The following VPS13B variants were observed in gnomAD, a reference collection of about 807,000 sequenced individuals.
The protein encoded by VPS13B is intermembrane lipid transfer protein VPS13B.
A neutral mutation model predicts 426.4 loss-of-function variants in VPS13B; 285 were observed. The observed-to-expected ratio is 0.67, with a 90% CI of 0.61 to 0.74. The LOEUF (loss-of-function observed/expected upper bound fraction) is 0.74, where lower values mean the gene tolerates loss of function less well. VPS13B is among the 30% of genes least tolerant of loss of function. The pLI is 0.00. For synonymous variants in VPS13B, 1,676 were observed against 1,676.4 expected, an observed-to-expected ratio of 1.00 and a Z score of 0.01; for missense variants, 4,537 against 4,782.6, an observed-to-expected ratio of 0.95 and a Z score of 1.51.
intron 31 of VPS13B, among the ~76,000 whole-genome samples, chr8:99,570,187 G>C (rs894914055): frequency 1.3e-5 from 2 of 152,046 alleles, no homozygotes; most frequent in Non-Finnish European, 2.9e-5. Flanking sequence ...CCTTGTATTT[G>C]TCTGAACCAG....
Position 99,578,249 on chromosome 8 carries a change from T to C in VPS13B, c.5220+616T>C, listed in dbSNP as rs1386379550. Among the ~76,000 whole-genome samples, 3 of 152,184 alleles carry C rather than the reference T, an allele frequency of 2.0e-5. No homozygotes were observed. In the East Asian group the frequency reaches 5.8e-4, roughly 29 times the overall value. ...GTTTCCACATTTCTCTAACATTCTG[T>C]ACTTAGAATAAATATTTTATAAAAA... On this transcript the variant is annotated intron_variant, in intron 33 of 61. Transcript: ENST00000357162.
intron 39 of VPS13B, among the ~76,000 whole-genome samples, chr8:99,740,442 G>T (rs1250606740): frequency 1.3e-5 from 2 of 152,152 alleles, no homozygotes; most frequent in African/African-American, 4.8e-5. Context: ...AGCAAGGCAG[G>T]CCAACATTCA....
At chr8:99,752,521 G>A (rs181253538) in intron 39 of VPS13B, among the ~76,000 whole-genome samples, 88 of 152,292 alleles carry the variant, frequency 5.8e-4, no homozygotes, top group African/African-American at 1.9e-3. Context: ...CAGAGACCAC[G>A]TGGCAAACAA....
At chr8:99,758,114 C>A (rs956153112) in intron 39 of VPS13B, among the ~76,000 whole-genome samples, 3 of 152,170 alleles carry the variant, frequency 2.0e-5, no homozygotes, top group Middle Eastern at 3.2e-3. Flanking sequence ...AGATCATTCA[C>A]GTCATCTCTT....
chr8:99,401,363 TTAAAA>T (rs1324306183), intron 21 of VPS13B, among the ~76,000 whole-genome samples: 8 of 152,238 alleles, frequency 5.3e-5, no homozygotes, highest in Admixed American at 2.0e-4. Context: ...ATTAATTTAG[TTAAAA>T]TAATAAAATT....
At chr8:99,401,473 G>C (rs1321248339) in intron 21 of VPS13B, among the ~76,000 whole-genome samples, 8 of 152,318 alleles carry the variant, frequency 5.3e-5, no homozygotes, top group African/African-American at 1.9e-4. Flanking sequence ...ATTCTTTCTT[G>C]TTGTTGAGTG....
chr8:99,871,309 T>C, intron 60 of VPS13B, 139 bp from the exon 61 acceptor site: 1 of 1,308,948 alleles, frequency 7.6e-7, no homozygotes, highest in Admixed American at 1.7e-5. Context: ...GACAATTACA[T>C]TTCAAGCTAA....
rs368689957 is a variant in VPS13B, at chr8:99,227,702, G to A, written c.2515+34645G>A. On this transcript the variant is annotated intron_variant, in intron 17 of 61. Transcript: ENST00000357162. ...TTTATTTGTGTGTACTTCTTAAACTGTTCTGGTATGTTTCATATATCCATA... is the reference window on the plus strand; with the variant it reads ...TTTATTTGTGTGTACTTCTTAAACTATTCTGGTATGTTTCATATATCCATA... Among the ~76,000 whole-genome samples the A allele has an allele frequency of 1.4e-4, 22 of 152,132 alleles. No homozygotes were observed. The East Asian group carries it at 3.9e-3, about 27-fold the overall frequency.
intron 33 of VPS13B, among the ~76,000 whole-genome samples, chr8:99,640,616 GGTGTT>G (rs1479502231): frequency 2.6e-5 from 4 of 152,138 alleles, no homozygotes; most frequent in African/African-American, 9.6e-5. Flanking sequence ...AATATTACTA[GGTGTT>G]TGTCAGCACT....
At chr8:99,284,726 G>GTC (rs1420421642) in intron 19 of VPS13B, among the ~76,000 whole-genome samples, 2 of 69,550 alleles carry the variant, frequency 2.9e-5, no homozygotes, top group Admixed American at 2.2e-4. Flanking sequence ...AAATTTGTGT[G>GTC]TGTGTGTGTG....
At chr8:99,040,049 T>C (rs573734166) in intron 3 of VPS13B, among the ~76,000 whole-genome samples, 1 of 152,196 alleles carries the variant, frequency 6.6e-6, no homozygotes, top group East Asian at 1.9e-4. Context: ...TTTCAAAGTC[T>C]GGACTTGGTT....
chr8:99,469,010 A>G (rs971858040), intron 24 of VPS13B, among the ~76,000 whole-genome samples: 1 of 152,006 alleles, frequency 6.6e-6, no homozygotes, highest in Non-Finnish European at 1.5e-5. Context: ...TTTATATTTG[A>G]AAAGATTAGA....
chr8:99,781,073 C>CCAT (rs1277385412), intron 42 of VPS13B, among the ~76,000 whole-genome samples: 4 of 152,120 alleles, frequency 2.6e-5, no homozygotes, highest in Non-Finnish European at 5.9e-5. Context: ...GTCATTTTTC[C>CCAT]CCAGTGTGGA....
chr8:99,674,407 G>T (rs976466542), intron 35 of VPS13B, among the ~76,000 whole-genome samples: 1 of 151,790 alleles, frequency 6.6e-6, no homozygotes, highest in African/African-American at 2.4e-5. Flanking sequence ...TACTATTTTT[G>T]GGTTTCCATT....
chr8:99,073,068 A>T (rs1185180693), intron 3 of VPS13B, among the ~76,000 whole-genome samples: 5 of 152,156 alleles, frequency 3.3e-5, no homozygotes, highest in African/African-American at 4.8e-5. Flanking sequence ...GTACCCAGGC[A>T]GCAAGACAAA....
intron 3 of VPS13B, among the ~76,000 whole-genome samples, chr8:99,043,077 C>G (rs1843047666): frequency 6.6e-6 from 1 of 152,146 alleles, no homozygotes; most frequent in Non-Finnish European, 1.5e-5. Context: ...CAGCACCTAT[C>G]TGCTCTATCT....
rs147100515 is a variant in VPS13B at position 99,708,829 on chromosome 8, G to GTCTCTCTC, written c.6455-8328_6455-8321dup. Among the ~76,000 whole-genome samples, 583 of 149,652 alleles carry GTCTCTCTC rather than the reference G, an allele frequency of 3.9e-3. 3 individuals are homozygous for GTCTCTCTC. Among genetic ancestry groups the GTCTCTCTC allele is most frequent in the East Asian group, 0.013 (68 of 5,090 alleles). ...ATTAATAGGTTCTCTCTCTCTCTCT[G>GTCTCTCTC]TCTCTCTCTCTCTCTCTCTCTATAT... On this transcript the variant is annotated intron_variant, in intron 36 of 61. Transcript: ENST00000357162.
intron 33 of VPS13B, among the ~76,000 whole-genome samples, chr8:99,640,049 G>GAAGAAGA (rs1299280170): frequency 5.6e-4 from 56 of 99,702 alleles, no homozygotes; most frequent in African/African-American, 1.9e-3. Flanking sequence ...AGAAGAAGAA[G>GAAGAAGA]AGAAAAGAAA....
chr8:99,870,654 G>C, intron 59 of VPS13B, 131 bp from the exon 60 acceptor site: 1 of 788,370 alleles, frequency 1.3e-6, no homozygotes, highest in African/African-American at 1.7e-5. Context: ...CTATACGCTT[G>C]CTTCCAAAGA....
Sources: gnomAD v4.1 joint callset for allele counts (sites outside exome capture counted in the v4.1 genomes callset) on GRCh38, gnomAD v4.1.1 for gene constraint, MANE v1.5 for transcripts, NCBI Gene and HGNC (gene_info 2026-07-23, HGNC 2026-07-21) for gene names.